ARHGAP31: variants seen among roughly 807,000 people sequenced by gnomAD.
ARHGAP31 encodes rho GTPase-activating protein 31.
In ARHGAP31, 34 loss-of-function variants were observed where a neutral mutation model predicts 113.9. The observed-to-expected ratio is 0.30, with a 90% confidence interval of 0.23 to 0.40. The LOEUF (loss-of-function observed/expected upper bound fraction) is 0.40. Ranked by LOEUF, ARHGAP31 falls within the 10% of genes least tolerant of loss-of-function variation. The pLI is 1.00. For synonymous variants in ARHGAP31, 650 were observed against 684.8 expected, an observed-to-expected ratio of 0.95 and a Z score of 0.79; for missense variants, 1,548 against 1,767.1, an observed-to-expected ratio of 0.88 and a Z score of 2.22.
chr3:119,328,662 A>G (rs1236998403), intron 1 of ARHGAP31, among the ~76,000 whole-genome samples: 1 of 151,474 alleles, frequency 6.6e-6, no homozygotes, highest in Non-Finnish European at 1.5e-5. Context: ...TTTTTCTGAG[A>G]CAGAGTCTCA....
intron 11 of ARHGAP31, among the ~76,000 whole-genome samples, chr3:119,412,604 C>T (rs2107646020): frequency 6.6e-6 from 1 of 152,238 alleles, no homozygotes; most frequent in African/African-American, 2.4e-5. Flanking sequence ...ACAAAGAAAT[C>T]CCCATCATGT....
At chr3:119,333,324 T>C (rs369234816) in intron 1 of ARHGAP31, among the ~76,000 whole-genome samples, 24 of 152,248 alleles carry the variant, frequency 1.6e-4, no homozygotes, top group African/African-American at 5.1e-4. Context: ...GTTTTCTAAC[T>C]GTTGTACATT....
At chr3:119,383,361 G>C in intron 6 of ARHGAP31, 135 bp downstream of exon 6, 1 of 1,156,286 alleles carries the variant, frequency 8.6e-7, no homozygotes, top group South Asian at 1.2e-5. Context: ...ACTACTGTGT[G>C]TCAGTGTCTG....
In ARHGAP31 at chr3:119,399,232, T is replaced by C. The variant is rs931712016; in HGVS notation, c.1040T>C (p.Met347Thr). 9.3e-6 allele frequency: 15 copies of C among 1,613,840 alleles called. No individual in the cohort carries two copies. Among genetic ancestry groups the C allele is most frequent in the African/African-American group, 1.3e-5 (1 of 75,070 alleles). Residue 347 changes from methionine to threonine, a missense_variant, in exon 9 of 12, where the codon ATG (methionine) becomes ACG (threonine). Coordinates refer to ENST00000264245, the MANE Select transcript of ARHGAP31 (RefSeq NM_020754.4). ...EKATIRPAKS[M>T]DSLCSVPVEG... ...GCTACTATCCGACCAGCTAAAAGCA[T>C]GGACTCACTATGTTCAGTGCCTGTG...
At chr3:119,317,233 C>A (rs1454233213) in intron 1 of ARHGAP31, among the ~76,000 whole-genome samples, 1 of 151,126 alleles carries the variant, frequency 6.6e-6, no homozygotes, top group African/African-American at 2.4e-5. Context: ...GGCTGGAGTG[C>A]AGTGGCGCGA....
At chr3:119,320,974 CTT>C (rs988504065) in intron 1 of ARHGAP31, among the ~76,000 whole-genome samples, 18 of 152,220 alleles carry the variant, frequency 1.2e-4, no homozygotes, top group African/African-American at 4.1e-4. Context: ...AAAGCTCTCT[CTT>C]CTCTTGAGTG....
rs1372606057 is a variant in ARHGAP31 at position 119,394,148 on chromosome 3, G to A, written c.1006+557G>A. ...GCAGAAATCCTACAGAAGTGATCCT[G>A]TGCCAGACTCAGTGTGTTATATTAG... On this transcript the variant is annotated intron_variant, in intron 8 of 11. Transcript: ENST00000264245. 2.0e-5 allele frequency among the ~76,000 whole-genome samples: 3 copies of A among 152,208 alleles called. No homozygotes were observed. In the East Asian group the frequency reaches 5.8e-4, roughly 29 times the overall value.
rs1268982304 is a variant in ARHGAP31 at position 119,414,674 on chromosome 3, G to A, written c.2745G>A (p.Thr915=). ...CCTGGGAGGAACCCCAGTGGGTGAC[G>A]AGTCCCCTTCACTCTCCCACCCTGA... is the stretch of plus-strand genomic sequence containing the variant. The part of the protein sequence containing the change: ...VEPWEEPQWV[T]SPLHSPTLKD... Residue 915 remains threonine (T), a synonymous_variant, in exon 12 of 12, where the codon ACG becomes ACA. Transcript: ENST00000264245. The A allele has an allele frequency of 1.2e-6, 2 of 1,614,066 alleles. No homozygotes were observed. Among genetic ancestry groups the A allele is most frequent in the South Asian group, 1.1e-5 (1 of 91,082 alleles).
At chr3:119,365,993 GTATT>G in intron 2 of ARHGAP31, among the ~76,000 whole-genome samples, 1 of 152,144 alleles carries the variant, frequency 6.6e-6, no homozygotes, top group South Asian at 2.1e-4. Flanking sequence ...CCAATTCTAT[GTATT>G]TATCCTAAAT....
chr3:119,355,712 A>G (rs140353503), intron 1 of ARHGAP31, among the ~76,000 whole-genome samples: 10 of 151,846 alleles, frequency 6.6e-5, no homozygotes, highest in African/African-American at 2.2e-4. Flanking sequence ...TTCAATTCCG[A>G]CCTATGAATG....
chr3:119,296,696 G>T (rs1435649890), intron 1 of ARHGAP31, among the ~76,000 whole-genome samples: 1 of 152,120 alleles, frequency 6.6e-6, no homozygotes, highest in Non-Finnish European at 1.5e-5. Context: ...GCAGCTTTAG[G>T]CAGCTGTTCT....
Position 119,401,911 on chromosome 3 carries a change from A to G in ARHGAP31, c.1159A>G (p.Ser387Gly). The change falls in exon 10 of 12, where the codon AGC (serine) becomes GGC (glycine). Residue 387 changes from serine (S) to glycine (G), a missense_variant. Ser to Gly is a moderately conservative substitution (Grantham distance 56). Transcript: ENST00000264245. Reference sequence around the variant, plus strand: ...AAAGATGCACTCCACCGGCACCGGCAGCTCATGTGACCTCACCAAGCAGGA... The same window carrying G: ...AAAGATGCACTCCACCGGCACCGGCGGCTCATGTGACCTCACCAAGCAGGA... ...ATKMHSTGTG[S>G]SCDLTKQEGE... is the part of the protein sequence containing the mutation. The G allele has an allele frequency of 2.5e-6, 4 of 1,614,122 alleles. No individual in the cohort carries two copies. Among genetic ancestry groups the G allele is most frequent in the Non-Finnish European group, 3.4e-6 (4 of 1,180,018 alleles).
chr3:119,399,684 C>T (rs559495989), intron 9 of ARHGAP31, among the ~76,000 whole-genome samples: 11 of 152,210 alleles, frequency 7.2e-5, no homozygotes, highest in Admixed American at 6.5e-5. Context: ...CATATGCTTT[C>T]GCTTCCTAGT....
In ARHGAP31 at chr3:119,414,340, C is replaced by G. The variant is rs760373610; in HGVS notation, c.2411C>G (p.Pro804Arg). 1.9e-6 allele frequency: 3 copies of G among 1,614,156 alleles called. No homozygotes were observed. Among genetic ancestry groups the G allele is most frequent in the South Asian group, 1.1e-5 (1 of 91,078 alleles). ...STPVLLSKGG[P>R]EREDSSRKLR... The stretch of plus-strand genomic sequence containing the variant: ...CCAGTCCTGCTTTCAAAGGGCGGCC[C>G]GGAAAGAGAAGACTCATCCAGGAAA... Residue 804 changes from proline to arginine, a missense_variant, in exon 12 of 12, where the codon CCG becomes CGG. Pro to Arg is a moderately radical substitution (Grantham distance 103, BLOSUM62 -2). Coordinates refer to ENST00000264245, the MANE Select transcript of ARHGAP31 (RefSeq NM_020754.4).
intron 1 of ARHGAP31, among the ~76,000 whole-genome samples, chr3:119,308,275 C>T (rs955022964): frequency 1.3e-5 from 2 of 152,174 alleles, no homozygotes; most frequent in Admixed American, 1.3e-4. Flanking sequence ...TCCTATTGCT[C>T]CCATAACAAA....
At chr3:119,384,838 G>A (rs1182731376) in intron 6 of ARHGAP31, among the ~76,000 whole-genome samples, 1 of 151,872 alleles carries the variant, frequency 6.6e-6, no homozygotes, top group Non-Finnish European at 1.5e-5. Flanking sequence ...ACAGGCCCTG[G>A]CAACCACTAA....
rs2080788679 is a variant in ARHGAP31 at position 119,417,541 on chromosome 3, T to A, written c.*1277T>A. ...TGGGTGGATTGCTTGAGCCCAGGAG[T>A]TCAAGACCAGCCTGGGCAACACAGC... On this transcript the variant is annotated 3_prime_UTR_variant, in exon 12 of 12. Coordinates refer to ENST00000264245, the MANE Select transcript of ARHGAP31 (RefSeq NM_020754.4). 6.6e-6 allele frequency: 1 copy of A among 150,516 alleles called. No individual in the cohort carries two copies. Among genetic ancestry groups the A allele is most frequent in the African/African-American group, 2.5e-5 (1 of 40,764 alleles). 9.3% of individuals were successfully genotyped at this position (150,516 alleles called of 1,614,324 possible).
intron 1 of ARHGAP31, among the ~76,000 whole-genome samples, chr3:119,359,507 A>G (rs1012999847): frequency 1.3e-5 from 2 of 152,132 alleles, no homozygotes; most frequent in Non-Finnish European, 2.9e-5. Context: ...CAACTTTTCA[A>G]CATTTATTTA....
At chr3:119,350,335 G>A (rs1167000210) in intron 1 of ARHGAP31, among the ~76,000 whole-genome samples, 2 of 152,174 alleles carry the variant, frequency 1.3e-5, no homozygotes, top group Admixed American at 6.5e-5. Flanking sequence ...ATGCTGGTGT[G>A]GGGGCTGGGG....
Sources: gnomAD v4.1 joint callset for allele counts (sites outside exome capture counted in the v4.1 genomes callset) on GRCh38, gnomAD v4.1.1 for gene constraint, MANE v1.5 for transcripts, NCBI Gene and HGNC (gene_info 2026-07-23, HGNC 2026-07-21) for gene names.